UPB1: variants seen among roughly 807,000 people sequenced by gnomAD.
UPB1 encodes beta-ureidopropionase.
A neutral mutation model predicts 49.1 loss-of-function variants in UPB1; 40 were observed. That is an observed-to-expected ratio of 0.81 (90% CI 0.63 to 1.06). The LOEUF is 1.06. UPB1 is among the 50% of genes least tolerant of loss of function. UPB1 has a pLI of 0.00. For missense variants in UPB1, 499 were observed against 505.9 expected, an observed-to-expected ratio of 0.99 and a Z score of 0.13; for synonymous variants, 207 against 198.2, an observed-to-expected ratio of 1.04 and a Z score of -0.38.
intron 1 of UPB1, among the ~76,000 whole-genome samples, chr22:24,497,708 C>T (rs5751890): frequency 0.037 from 5,609 of 152,236 alleles, 186 homozygotes; most frequent in South Asian, 0.11. Context: ...GAGGTTATGG[C>T]TCATTTGCTG....
intron 6 of UPB1, chr22:24,520,088 T>C (rs2044360595): frequency 2.1e-6 from 1 of 477,728 alleles, no homozygotes; most frequent in Non-Finnish European, 3.8e-6. Context: ...GATCCAGGGC[T>C]GCTAATTCTT....
In UPB1 at chr22:24,514,393, C is replaced by T. The variant is rs11912222; in HGVS notation, c.622-808C>T. Among the ~76,000 whole-genome samples the T allele has an allele frequency of 6.7e-3, 1,020 of 152,294 alleles. 14 individuals carry two copies. Among genetic ancestry groups the T allele is most frequent in the African/African-American group, 0.023 (936 of 41,550 alleles). ...TTAGCTCCCTGCAGATAGCACAGGG[C>T]TTGTCTCAGCACAGCAGGATCTGCT... is the stretch of plus-strand genomic sequence containing the variant. On this transcript the variant is annotated intron_variant, in intron 5 of 9. Transcript: ENST00000326010.
chr22:24,519,674 G>A (rs1362398029), intron 6 of UPB1: 1 of 152,786 alleles, frequency 6.5e-6, no homozygotes, highest in Non-Finnish European at 1.5e-5. Flanking sequence ...GGAAGTCACT[G>A]GGAAATGGCC....
rs2147026385 is a variant in UPB1 at position 24,513,499 on chromosome 22, A to G, written c.621+14A>G. 1.2e-6 allele frequency: 2 copies of G among 1,612,920 alleles called. No individual in the cohort carries two copies. The highest frequency in any genetic ancestry group is 1.7e-6 in the Non-Finnish European group (2 of 1,179,604). ...GATTTCAACGAGGTGAGCCACCCAT[A>G]AGATAGATAACCAGCCCTGCTCACT... On this transcript the variant is annotated intron_variant, in intron 5 of 9. Transcript: ENST00000326010.
At position 24,513,498 on chromosome 22, in the gene UPB1, T is replaced by A. The variant is rs375165736; in HGVS notation, c.621+13T>A. The A allele has an allele frequency of 6.3e-5, 102 of 1,612,796 alleles. No individual in the cohort carries two copies. In the African/African-American group the frequency reaches 1.2e-3, roughly 19 times the overall value. On this transcript the variant is annotated intron_variant, in intron 5 of 9. Coordinates refer to ENST00000326010, the MANE Select transcript of UPB1 (RefSeq NM_016327.3). ...TGATTTCAACGAGGTGAGCCACCCATAAGATAGATAACCAGCCCTGCTCAC... is the reference window on the plus strand; with the variant it reads ...TGATTTCAACGAGGTGAGCCACCCAAAAGATAGATAACCAGCCCTGCTCAC...
At chr22:24,502,760 A>C in intron 3 of UPB1, 1 of 530,366 alleles carries the variant, frequency 1.9e-6, no homozygotes, top group South Asian at 2.7e-5. Flanking sequence ...CTACTTCCTA[A>C]TTTTTTAGTT....
chr22:24,524,497 G>A lies in UPB1; in HGVS notation c.1071+724G>A, dbSNP rs116071013. On this transcript the variant is annotated intron_variant, in intron 9 of 9. Coordinates refer to ENST00000326010, the MANE Select transcript of UPB1 (RefSeq NM_016327.3). ...CCCTTTTTCTTTTTTGGTGGAGTAG[G>A]GGGCATGGAGACAAGGTCTTGGCTC... is the stretch of plus-strand genomic sequence containing the variant. Among the ~76,000 whole-genome samples the A allele has an allele frequency of 5.7e-3, 872 of 152,188 alleles. 8 individuals carry two copies. The highest frequency in any genetic ancestry group is 0.02 in the African/African-American group (811 of 41,524).
rs2043966941 is a variant in UPB1 at position 24,500,203 on chromosome 22, A to G, written c.201A>G (p.Arg67=). The change falls in exon 2 of 10, where the codon AGA becomes AGG. Residue 67 remains arginine (R), a synonymous_variant. Coordinates refer to ENST00000326010, the MANE Select transcript of UPB1 (RefSeq NM_016327.3). ...YAFEAAEEQL[R]RPRIVHVGLV... ...TTGAAGCAGCGGAGGAGCAGCTGAG[A>G]CGACCCCGCATTGTGCACGTGGGGC... 4 of 1,614,186 alleles carry G rather than the reference A, an allele frequency of 2.5e-6. No individual in the cohort carries two copies. In the South Asian group the frequency reaches 3.3e-5, roughly 13 times the overall value.
At chr22:24,500,314 A>C (rs548330609) in intron 2 of UPB1, 36 bp downstream of exon 2, 1 of 1,612,212 alleles carries the variant, frequency 6.2e-7, no homozygotes, top group African/African-American at 1.3e-5. Flanking sequence ...ATACACAAAC[A>C]GGGTTGTGGC....
intron 3 of UPB1, among the ~76,000 whole-genome samples, chr22:24,509,361 GAAA>G (rs202081655): frequency 3.8e-4 from 35 of 92,094 alleles, no homozygotes; most frequent in Admixed American, 2.0e-3. Context: ...CCTACTGTTT[GAAA>G]AAAAAAAAAA....
At position 24,525,887 on chromosome 22, in the gene UPB1, A is replaced by G. The variant is rs1053472125; in HGVS notation, c.*93A>G. 3.1e-5 allele frequency: 46 copies of G among 1,507,992 alleles called. No homozygotes were observed. The highest frequency in any genetic ancestry group is 6.8e-5 in the South Asian group (6 of 88,502). 93.4% of individuals were successfully genotyped at this position (1,507,992 alleles called of 1,614,324 possible). ...GCTTAACATGTCCAGGTTCTCCCCA[A>G]TAACATTGTCCAGGTTGGTTTTAAA... On this transcript the variant is annotated 3_prime_UTR_variant, in exon 10 of 10. Coordinates refer to ENST00000326010, the MANE Select transcript of UPB1 (RefSeq NM_016327.3).
intron 6 of UPB1, among the ~76,000 whole-genome samples, chr22:24,516,082 G>A (rs2044288938): frequency 6.6e-6 from 1 of 152,230 alleles, no homozygotes; most frequent in Admixed American, 6.5e-5. Context: ...GGGGAACTGT[G>A]GATTCCTAGT....
At position 24,526,123 on chromosome 22, in the gene UPB1, G is replaced by A. The variant is rs2044478289; in HGVS notation, c.*329G>A. The A allele has an allele frequency of 2.7e-6, 1 of 375,710 alleles. No homozygotes were observed. Among genetic ancestry groups the A allele is most frequent in the East Asian group, 6.5e-5 (1 of 15,296 alleles). 23.3% of individuals were successfully genotyped at this position (375,710 alleles called of 1,614,324 possible). On this transcript the variant is annotated 3_prime_UTR_variant, in exon 10 of 10. Transcript: ENST00000326010. ...GTACTGCTTGTGCAGGTGGATTTGAGGTTAGGCAGATGATGCTGTCCATCC... is the reference window on the plus strand; with the variant it reads ...GTACTGCTTGTGCAGGTGGATTTGAAGTTAGGCAGATGATGCTGTCCATCC...
chr22:24,506,391 A>G (rs1302727455), intron 3 of UPB1, among the ~76,000 whole-genome samples: 1 of 152,124 alleles, frequency 6.6e-6, no homozygotes, highest in Non-Finnish European at 1.5e-5. Flanking sequence ...CCACCTTCAG[A>G]GGTACCTGGT....
In UPB1 at chr22:24,523,663, G is replaced by T; in HGVS notation, c.961G>T (p.Ala321Ser). The T allele has an allele frequency of 6.2e-7, 1 of 1,614,260 alleles. No individual in the cohort carries two copies. Among genetic ancestry groups the T allele is most frequent in the Non-Finnish European group, 8.5e-7 (1 of 1,180,048 alleles). ...GYFYGSSYVA[A>S]PDSSRTPGLS... is the part of the protein sequence containing the mutation. ...CTTTTATGGCTCGAGCTATGTGGCAGCCCCTGACAGCAGCCGGACTCCTGG... is the reference window on the plus strand; with the variant it reads ...CTTTTATGGCTCGAGCTATGTGGCATCCCCTGACAGCAGCCGGACTCCTGG... The change falls in exon 9 of 10, where the codon GCC becomes TCC. Residue 321 changes from alanine to serine, a missense_variant. Ala to Ser is a moderately conservative substitution (Grantham distance 99, BLOSUM62 1). Coordinates refer to ENST00000326010, the MANE Select transcript of UPB1 (RefSeq NM_016327.3).
At chr22:24,513,634 C>T (rs2044245470) in intron 5 of UPB1, 149 bp downstream of exon 5, 1 of 1,160,204 alleles carries the variant, frequency 8.6e-7, no homozygotes, top group African/African-American at 1.5e-5. Context: ...GGCTGCAGTG[C>T]TCAGAGGGTT....
chr22:24,502,753 C>T (rs755852130), intron 3 of UPB1: 3 of 544,224 alleles, frequency 5.5e-6, no homozygotes, highest in African/African-American at 1.9e-5. Flanking sequence ...AGTGTTGCTA[C>T]TTCCTAATTT....
intron 7 of UPB1, among the ~76,000 whole-genome samples, chr22:24,521,300 G>A (rs1302434260): frequency 6.6e-6 from 1 of 151,654 alleles, no homozygotes; most frequent in Non-Finnish European, 1.5e-5. Flanking sequence ...TGGCCAACAT[G>A]GAGAAATCCT....
At chr22:24,522,120 A>T in intron 8 of UPB1, 92 bp downstream of exon 8, 1 of 1,457,682 alleles carries the variant, frequency 6.9e-7, no homozygotes, top group Non-Finnish European at 9.5e-7. Context: ...TCTGCCACAC[A>T]GATCACATCT....
Sources: allele counts gnomAD v4.1 joint callset (sites outside exome capture counted in the v4.1 genomes callset), GRCh38; gene constraint gnomAD v4.1.1; transcripts MANE v1.5; gene names NCBI Gene and HGNC (gene_info 2026-07-23, HGNC 2026-07-21).